SYT17: variants seen among roughly 807,000 people sequenced by gnomAD.
SYT17 encodes the protein synaptotagmin-17.
SYT17 carries 22 observed loss-of-function variants against 46.7 expected under a neutral mutation model. The ratio of observed to expected loss-of-function variants is 0.47; its 90% CI spans 0.34 to 0.67. The LOEUF (loss-of-function observed/expected upper bound fraction) is 0.67. Among genes scored for constraint, SYT17 ranks in the 30% least tolerant of loss-of-function variants. SYT17 has a pLI of 0.01. For synonymous variants in SYT17, 251 were observed against 248.4 expected (o/e 1.01, Z -0.10); for missense variants, 519 against 612.8 (o/e 0.85, Z 1.62).
intron 5 of SYT17, among the ~76,000 whole-genome samples, chr16:19,196,233 C>T (rs991009634): frequency 4.2e-5 from 6 of 141,766 alleles, no homozygotes; most frequent in Non-Finnish European, 9.1e-5. Context: ...GGCAGACAGT[C>T]GATAGAAGAA....
At chr16:19,244,634 C>T (rs895559140) in intron 7 of SYT17, among the ~76,000 whole-genome samples, 3 of 152,154 alleles carry the variant, frequency 2.0e-5, no homozygotes, top group African/African-American at 4.8e-5. Context: ...CGAGCCTGGA[C>T]CAGAATCTTA....
At chr16:19,235,729 C>G (rs1333275917) in intron 7 of SYT17, among the ~76,000 whole-genome samples, 1 of 152,070 alleles carries the variant, frequency 6.6e-6, no homozygotes, top group African/African-American at 2.4e-5. Context: ...GTCAGCAGAT[C>G]AACAGAGAAA....
intron 7 of SYT17, among the ~76,000 whole-genome samples, chr16:19,257,106 C>T (rs542474283): frequency 6.6e-5 from 10 of 152,208 alleles, no homozygotes; most frequent in African/African-American, 2.2e-4. Flanking sequence ...AGTACACAGA[C>T]CTCAAGATTT....
rs1287001932 is a variant in SYT17 at position 19,176,688 on chromosome 16, TCACCC to T, written c.182+3112_182+3116del. 8.9e-4 allele frequency among the ~76,000 whole-genome samples: 135 copies of T among 152,272 alleles called. 1 individual carries two copies. Among genetic ancestry groups the T allele is most frequent in the African/African-American group, 3.1e-3 (130 of 41,552 alleles). ...AATTGACTAGAGAGGTGGGCAGACA[TCACCC>T]CTTGTAGAGATAGGCGTCTCATTGT... On this transcript the variant is annotated intron_variant, in intron 3 of 7. Transcript: ENST00000355377.
intron 7 of SYT17, among the ~76,000 whole-genome samples, chr16:19,262,705 T>C (rs1567240710): frequency 6.6e-6 from 1 of 152,220 alleles, no homozygotes; most frequent in Admixed American, 6.5e-5. Flanking sequence ...GTTGGTCATA[T>C]AGTCATGGCT....
intron 5 of SYT17, among the ~76,000 whole-genome samples, chr16:19,211,610 A>G (rs1965903642): frequency 6.7e-6 from 1 of 149,968 alleles, no homozygotes; most frequent in Non-Finnish European, 1.5e-5. Flanking sequence ...GCCTTGGGGC[A>G]GGTACGATCT....
chr16:19,184,270 T>G, intron 5 of SYT17, 123 bp downstream of exon 5: 1 of 1,351,888 alleles, frequency 7.4e-7, no homozygotes, highest in South Asian at 1.5e-5. Flanking sequence ...GAAATAATTT[T>G]TGACTCACAA....
intron 7 of SYT17, among the ~76,000 whole-genome samples, chr16:19,242,492 T>C (rs1967204267): frequency 6.6e-6 from 1 of 152,130 alleles, no homozygotes; most frequent in South Asian, 2.1e-4. Context: ...GCAGAGACTA[T>C]AGCAAGGAAC....
intron 5 of SYT17, among the ~76,000 whole-genome samples, chr16:19,212,648 G>A (rs229021): frequency 0.66 from 100,969 of 152,026 alleles, 35,113 homozygotes; most frequent in African/African-American, 0.86. Context: ...AGAAATAAAC[G>A]GGGAAGTGAG....
chr16:19,199,478 C>T (rs1237846796), intron 5 of SYT17, among the ~76,000 whole-genome samples: 4 of 152,164 alleles, frequency 2.6e-5, no homozygotes, highest in Admixed American at 1.3e-4. Context: ...CAGTGGCTCA[C>T]ACCTGTAAAC....
rs1312543492 is a variant in SYT17 at position 19,236,740 on chromosome 16, C to T, written c.1228+11902C>T. On this transcript the variant is annotated intron_variant, in intron 7 of 7. Transcript: ENST00000355377. Reference sequence around the variant, plus strand: ...CCTTGTGAGTCACAAACAGCATTACCTCTACTCAGTCACTGTGTGTGACAA... The same window carrying T: ...CCTTGTGAGTCACAAACAGCATTACTTCTACTCAGTCACTGTGTGTGACAA... Among the ~76,000 whole-genome samples, 5 of 152,280 alleles carry T rather than the reference C, an allele frequency of 3.3e-5. No homozygotes were observed. In the East Asian group the frequency reaches 9.6e-4, roughly 29 times the overall value.
At chr16:19,239,053 G>C (rs1353102448) in intron 7 of SYT17, among the ~76,000 whole-genome samples, 1 of 152,034 alleles carries the variant, frequency 6.6e-6, no homozygotes, top group Non-Finnish European at 1.5e-5. Flanking sequence ...CGGGGCAGGA[G>C]GATTGCTCGG....
At chr16:19,236,396 C>CG (rs772324161) in intron 7 of SYT17, among the ~76,000 whole-genome samples, 2 of 152,088 alleles carry the variant, frequency 1.3e-5, no homozygotes, top group East Asian at 1.9e-4. Context: ...AGCTTAGGGA[C>CG]GGGAAGTGCA....
At chr16:19,248,084 A>C (rs1332713458) in intron 7 of SYT17, among the ~76,000 whole-genome samples, 1 of 152,242 alleles carries the variant, frequency 6.6e-6, no homozygotes, top group East Asian at 1.9e-4. Flanking sequence ...CACCGCACAA[A>C]AAGAGAATAC....
chr16:19,258,661 A>ATAAAG (rs1968752071), intron 7 of SYT17, among the ~76,000 whole-genome samples: 1 of 152,112 alleles, frequency 6.6e-6, no homozygotes, highest in South Asian at 2.1e-4. Flanking sequence ...ATAAAATAAA[A>ATAAAG]TAACAGAAAC....
chr16:19,176,458 A>C (rs183002022), intron 3 of SYT17, among the ~76,000 whole-genome samples: 29 of 152,328 alleles, frequency 1.9e-4, no homozygotes, highest in Non-Finnish European at 2.9e-4. Context: ...CCAAATAATA[A>C]ATATATTAGC....
chr16:19,238,663 C>T (rs1966883923), intron 7 of SYT17, among the ~76,000 whole-genome samples: 1 of 152,200 alleles, frequency 6.6e-6, no homozygotes, highest in Non-Finnish European at 1.5e-5. Flanking sequence ...TGGATGGAAC[C>T]TTGTTCCAGG....
chr16:19,173,854 G>A lies in SYT17; in HGVS notation c.182+276G>A, dbSNP rs934600062. Among the ~76,000 whole-genome samples, 25 of 152,274 alleles carry A rather than the reference G, an allele frequency of 1.6e-4. No homozygotes were observed. The highest frequency in any genetic ancestry group is 4.8e-5 in the African/African-American group (2 of 41,568). Reference sequence around the variant, plus strand: ...AGATACGAACCGTGTAATGCTAAGCGTGTGGGCGTTTTTAGTCACGTGGAG... The same window carrying A: ...AGATACGAACCGTGTAATGCTAAGCATGTGGGCGTTTTTAGTCACGTGGAG... On this transcript the variant is annotated intron_variant, in intron 3 of 7. Coordinates refer to ENST00000355377, the MANE Select transcript of SYT17 (RefSeq NM_016524.4).
chr16:19,173,392 T>TA, intron 2 of SYT17, 38 bp from the exon 3 acceptor site: 1 of 102,146 alleles, frequency 9.8e-6, no homozygotes, highest in Non-Finnish European at 1.9e-5. Flanking sequence ...ACCTCCCCTC[T>TA]CCCCCATCCC....
Sources: allele counts gnomAD v4.1 joint callset (sites outside exome capture counted in the v4.1 genomes callset), GRCh38; gene constraint gnomAD v4.1.1; transcripts MANE v1.5; gene names NCBI Gene and HGNC (gene_info 2026-07-23, HGNC 2026-07-21).